The following MYO3A variants were observed in gnomAD, a reference collection of about 807,000 sequenced individuals.
MYO3A encodes the protein myosin-IIIa.
A neutral mutation model predicts 192.7 loss-of-function variants in MYO3A; 180 were observed. The ratio of observed to expected loss-of-function variants is 0.93; its 90% confidence interval spans 0.83 to 1.06. The LOEUF (loss-of-function observed/expected upper bound fraction) is 1.06, where lower values mean the gene tolerates loss of function less well. MYO3A is among the 50% of genes least tolerant of loss of function. MYO3A has a pLI of 0.00. For missense variants in MYO3A, 1,896 were observed against 1,905.0 expected, an observed-to-expected ratio of 1.00 and a Z score of 0.09; for synonymous variants, 628 against 645.3, an observed-to-expected ratio of 0.97 and a Z score of 0.41.
chr10:26,175,467 A>G (rs897541922), intron 30 of MYO3A, among the ~76,000 whole-genome samples: 1 of 152,246 alleles, frequency 6.6e-6, no homozygotes, highest in African/African-American at 2.4e-5. Context: ...TAAAAGAAAT[A>G]TCATAATGGG....
intron 10 of MYO3A, among the ~76,000 whole-genome samples, chr10:26,063,621 G>A (rs1051448541): frequency 1.3e-5 from 2 of 152,196 alleles, no homozygotes; most frequent in Non-Finnish European, 2.9e-5. Context: ...ATGAATGACT[G>A]AAATGACATT....
rs1478560828 is a variant in MYO3A, at chr10:25,996,581, A to G, written c.395A>G (p.His132Arg). The change falls in exon 5 of 35, where the codon CAT (histidine) becomes CGT (arginine). Residue 132 changes from histidine to arginine, a missense_variant. Physicochemically the swap from His to Arg is conservative, Grantham distance 29 (BLOSUM62 0). Coordinates refer to ENST00000642920, the MANE Select transcript of MYO3A (RefSeq NM_017433.5). ...MSEPLIAYIL[H>R]EALMGLQHLH... is the part of the protein sequence containing the mutation. The stretch of plus-strand genomic sequence containing the variant: ...GAGCCTCTAATTGCCTATATTTTAC[A>G]TGAAGCACTAATGGTAAGGCAATTT... The G allele has an allele frequency of 6.2e-7, 1 of 1,612,870 alleles. No individual in the cohort carries two copies. Among genetic ancestry groups the G allele is most frequent in the Non-Finnish European group, 8.5e-7 (1 of 1,178,962 alleles).
intron 34 of MYO3A, among the ~76,000 whole-genome samples, chr10:26,209,824 G>A (rs1844142519): frequency 6.6e-6 from 1 of 152,192 alleles, no homozygotes; most frequent in South Asian, 2.1e-4. Context: ...GCCTGGCACT[G>A]TGGGTCATGC....
intron 10 of MYO3A, among the ~76,000 whole-genome samples, chr10:26,032,382 C>T (rs539532171): frequency 1.6e-3 from 240 of 152,176 alleles, no homozygotes; most frequent in African/African-American, 5.4e-3. Context: ...TTTGGGAGGC[C>T]GAGGCGGGTG....
At chr10:26,211,783 G>C in intron 34 of MYO3A, 60 bp from the exon 35 acceptor site, 1 of 1,608,886 alleles carries the variant, frequency 6.2e-7, no homozygotes, top group Non-Finnish European at 8.5e-7. Flanking sequence ...CTCGGGGTAG[G>C]TGGGGACGCG....
chr10:26,010,962 T>G (rs1841610417), intron 6 of MYO3A, among the ~76,000 whole-genome samples: 1 of 152,210 alleles, frequency 6.6e-6, no homozygotes, highest in Admixed American at 6.5e-5. Flanking sequence ...ATTTGTTAAA[T>G]ACTATTTAAT....
At chr10:26,211,807 T>C (rs1468387516) in intron 34 of MYO3A, 36 bp from the exon 35 acceptor site, 2 of 1,613,298 alleles carry the variant, frequency 1.2e-6, no homozygotes, top group Admixed American at 3.3e-5. Context: ...CTCACTGTGG[T>C]GAGGTTGACA....
intron 11 of MYO3A, 113 bp downstream of exon 11, chr10:26,067,187 A>C: frequency 1.4e-6 from 1 of 726,382 alleles, no homozygotes; most frequent in Non-Finnish European, 2.4e-6. Flanking sequence ...GGTTATTAAG[A>C]ATCTTAACAC....
chr10:26,175,570 T>C (rs1277095563), intron 30 of MYO3A, among the ~76,000 whole-genome samples: 2 of 152,218 alleles, frequency 1.3e-5, no homozygotes, highest in African/African-American at 4.8e-5. Context: ...ACACGATAAC[T>C]GCACTTGGAC....
chr10:26,068,247 G>A (rs1057364568), intron 11 of MYO3A, among the ~76,000 whole-genome samples: 11 of 151,818 alleles, frequency 7.2e-5, no homozygotes, highest in South Asian at 2.1e-4. Context: ...GGTGGTTTCC[G>A]ACATTATCAA....
chr10:25,935,069 C>A (rs1465784631), intron 1 of MYO3A, among the ~76,000 whole-genome samples: 1 of 152,082 alleles, frequency 6.6e-6, no homozygotes, highest in Non-Finnish European at 1.5e-5. Context: ...CTGGGTCGGC[C>A]CGTCCCTGAG....
chr10:25,976,370 C>G (rs1050316797), intron 4 of MYO3A, among the ~76,000 whole-genome samples: 1 of 152,114 alleles, frequency 6.6e-6, no homozygotes, highest in African/African-American at 2.4e-5. Flanking sequence ...TAGCCTCACA[C>G]AGAATATAGT....
intron 34 of MYO3A, among the ~76,000 whole-genome samples, chr10:26,210,450 AC>A (rs1844172385): frequency 6.6e-6 from 1 of 152,052 alleles, no homozygotes; most frequent in Non-Finnish European, 1.5e-5. Flanking sequence ...CAGTGAGCCA[AC>A]CCTTTCAGTT....
chr10:26,017,507 C>T (rs1204443674), intron 7 of MYO3A, among the ~76,000 whole-genome samples: 2 of 152,120 alleles, frequency 1.3e-5, no homozygotes, highest in Non-Finnish European at 2.9e-5. Flanking sequence ...AAGACTCTCT[C>T]TACAACTGTT....
At chr10:25,966,762 A>G (rs879320184) in intron 4 of MYO3A, among the ~76,000 whole-genome samples, 1 of 152,208 alleles carries the variant, frequency 6.6e-6, no homozygotes, top group African/African-American at 2.4e-5. Context: ...AAGAAACTCT[A>G]TCAGAGGTTC....
intron 23 of MYO3A, among the ~76,000 whole-genome samples, chr10:26,153,069 G>C (rs921738820): frequency 6.6e-6 from 1 of 152,202 alleles, no homozygotes; most frequent in African/African-American, 2.4e-5. Context: ...ATTACTATTA[G>C]GATAATAAAC....
intron 29 of MYO3A, among the ~76,000 whole-genome samples, chr10:26,170,998 T>G (rs138506824): frequency 1.0e-3 from 155 of 152,300 alleles, no homozygotes; most frequent in African/African-American, 3.5e-3. Flanking sequence ...TCAGCAGGCT[T>G]TATGCTGGGC....
chr10:26,073,263 G>T (rs947919912), intron 14 of MYO3A, among the ~76,000 whole-genome samples: 1 of 151,912 alleles, frequency 6.6e-6, no homozygotes, highest in African/African-American at 2.4e-5. Context: ...AAGCAATAAT[G>T]AATTCCATTT....
At chr10:25,984,554 G>GC (rs1839530524) in intron 4 of MYO3A, among the ~76,000 whole-genome samples, 1 of 152,014 alleles carries the variant, frequency 6.6e-6, no homozygotes. Flanking sequence ...TTTGTTCCAA[G>GC]CCCCCCTCCC....
Sources: gnomAD v4.1 joint callset for allele counts (sites outside exome capture counted in the v4.1 genomes callset) on GRCh38, gnomAD v4.1.1 for gene constraint, MANE v1.5 for transcripts, NCBI Gene and HGNC (gene_info 2026-07-23, HGNC 2026-07-21) for gene names.